FOXP1: variants seen among roughly 807,000 people sequenced by gnomAD.
FOXP1 encodes the protein forkhead box P1, also known as forkhead box protein P1.
FOXP1 carries 15 observed loss-of-function variants against 98.2 expected under a neutral mutation model. The observed-to-expected ratio is 0.15, with a 90% CI of 0.10 to 0.24. The LOEUF is 0.24. Ranked by LOEUF, FOXP1 falls within the 10% of genes least tolerant of loss-of-function variation. The pLI is 1.00. For synonymous variants in FOXP1, 371 were observed against 314.5 expected (o/e 1.18, Z -1.90); for missense variants, 633 against 848.5 (o/e 0.75, Z 3.15).
chr3:71,158,215 GAAAA>G (rs1249525425), intron 6 of FOXP1, among the ~76,000 whole-genome samples: 1 of 151,026 alleles, frequency 6.6e-6, no homozygotes, highest in Non-Finnish European at 1.5e-5. Flanking sequence ...GGGAAAGAAA[GAAAA>G]AAGAAAGACA....
intron 14 of FOXP1, among the ~76,000 whole-genome samples, chr3:70,981,441 A>C (rs1404693262): frequency 6.6e-6 from 1 of 152,188 alleles, no homozygotes; most frequent in East Asian, 1.9e-4. Context: ...ATCTCAGCTA[A>C]TTACCAGATA....
chr3:71,028,058 G>A (rs1336385658), intron 11 of FOXP1, among the ~76,000 whole-genome samples: 1 of 152,170 alleles, frequency 6.6e-6, no homozygotes, highest in Non-Finnish European at 1.5e-5. Context: ...GGAATAGAGT[G>A]AGAGCAGAGA....
intron 6 of FOXP1, among the ~76,000 whole-genome samples, chr3:71,131,888 G>A (rs981607628): frequency 6.6e-5 from 10 of 152,140 alleles, no homozygotes; most frequent in Non-Finnish European, 1.2e-4. Flanking sequence ...TAGGCTGGGG[G>A]AAAAAATGGG....
rs1559556967 is a variant in FOXP1, at chr3:70,958,635, A to G, written c.*612T>C. 9.7e-6 allele frequency: 2 copies of G among 205,518 alleles called. No homozygotes were observed. Among genetic ancestry groups the G allele is most frequent in the Non-Finnish European group, 2.0e-5 (2 of 102,454 alleles). The allele number at this position is 205,518 out of a possible 1,614,324, so 12.7% of individuals were successfully genotyped here. A position where few individuals can be genotyped will look rare whatever the true frequency, so the allele number is the denominator to read the frequency against. ...CTTAAAATGGTATAGTAGAAGGAAA[A>G]AAAAAAAAAAAAAAAGCAATACATT... On this transcript the variant is annotated 3_prime_UTR_variant, in exon 21 of 21. Coordinates refer to ENST00000649528, the MANE Select transcript of FOXP1 (RefSeq NM_001349338.3).
At chr3:71,450,344 G>C (rs776859256) in intron 3 of FOXP1, among the ~76,000 whole-genome samples, 8 of 152,166 alleles carry the variant, frequency 5.3e-5, no homozygotes, top group Non-Finnish European at 1.0e-4. Flanking sequence ...GGAATGGGAC[G>C]ACAATGAACT....
intron 2 of FOXP1, among the ~76,000 whole-genome samples, chr3:71,499,848 T>C (rs2041205909): frequency 6.6e-6 from 1 of 152,250 alleles, no homozygotes; most frequent in South Asian, 2.1e-4. Flanking sequence ...AAAAAAGGTA[T>C]GTGTTTGTCA....
At chr3:71,313,045 G>GA (rs139156959) in intron 4 of FOXP1, among the ~76,000 whole-genome samples, 58,338 of 144,844 alleles carry the variant, frequency 0.4, 14,293 homozygotes, top group East Asian at 0.89. Flanking sequence ...CAATCACAAT[G>GA]AAACTTTAAT....
At chr3:71,169,311 C>T (rs568588222) in intron 6 of FOXP1, among the ~76,000 whole-genome samples, 6 of 152,244 alleles carry the variant, frequency 3.9e-5, no homozygotes, top group South Asian at 2.1e-4. Flanking sequence ...TGCCCCCGAG[C>T]GTCTCTCTCT....
At chr3:71,217,530 T>C (rs1008405535) in intron 5 of FOXP1, among the ~76,000 whole-genome samples, 1 of 152,110 alleles carries the variant, frequency 6.6e-6, no homozygotes, top group South Asian at 2.1e-4. Flanking sequence ...GCACCTATTA[T>C]AGGTCAGGTT....
intron 11 of FOXP1, among the ~76,000 whole-genome samples, chr3:71,031,151 C>T (rs2046814245): frequency 6.6e-6 from 1 of 152,176 alleles, no homozygotes; most frequent in Admixed American, 6.5e-5. Context: ...AGTACATCTT[C>T]AAACACTCAA....
intron 5 of FOXP1, among the ~76,000 whole-genome samples, chr3:71,208,867 T>C (rs1373214940): frequency 5.9e-5 from 9 of 152,112 alleles, no homozygotes; most frequent in Admixed American, 5.9e-4. Context: ...GAAGGCAAGA[T>C]AAACAAACAG....
At chr3:71,462,612 C>T (rs752135751) in intron 3 of FOXP1, among the ~76,000 whole-genome samples, 1 of 152,102 alleles carries the variant, frequency 6.6e-6, no homozygotes, top group African/African-American at 2.4e-5. Flanking sequence ...TGTCTTCAGC[C>T]AAAACCTCCG....
In FOXP1 at chr3:71,316,923, T is replaced by C. The variant is rs187954999; in HGVS notation, c.-72-17043A>G. The stretch of plus-strand genomic sequence containing the variant: ...CGCCCACCTCAGCCTCCCAAAGTGC[T>C]GGGATTTCAAGCATGAGCCACTGCG... On this transcript the variant is annotated intron_variant, in intron 4 of 20. Transcript: ENST00000649528. 8.9e-4 allele frequency among the ~76,000 whole-genome samples: 136 copies of C among 152,240 alleles called. 2 individuals carry two copies. The highest frequency in any genetic ancestry group is 1.8e-3 in the Admixed American group (28 of 15,296).
At chr3:70,974,642 G>A (rs2037111722) in intron 17 of FOXP1, among the ~76,000 whole-genome samples, 1 of 152,176 alleles carries the variant, frequency 6.6e-6, no homozygotes, top group Non-Finnish European at 1.5e-5. Context: ...AAGGTCTACT[G>A]TTACTTACTG....
chr3:71,284,908 T>C (rs1368724212), intron 5 of FOXP1, among the ~76,000 whole-genome samples: 2 of 152,180 alleles, frequency 1.3e-5, no homozygotes, highest in Admixed American at 1.3e-4. Context: ...ATTTTTGCAT[T>C]TGTCTACTTT....
At chr3:71,067,146 C>G (rs904244378) in intron 7 of FOXP1, among the ~76,000 whole-genome samples, 1 of 152,156 alleles carries the variant, frequency 6.6e-6, no homozygotes, top group African/African-American at 2.4e-5. Context: ...GCTTGGCATA[C>G]TAACTTAGAA....
chr3:71,450,281 A>G (rs1449350535), intron 3 of FOXP1, among the ~76,000 whole-genome samples: 1 of 152,214 alleles, frequency 6.6e-6, no homozygotes, highest in Non-Finnish European at 1.5e-5. Context: ...CATGCTGGCA[A>G]TTTTTAGATG....
chr3:71,437,695 G>C (rs2085494875), intron 3 of FOXP1, among the ~76,000 whole-genome samples: 1 of 152,296 alleles, frequency 6.6e-6, no homozygotes, highest in South Asian at 2.1e-4. Context: ...AAAGGGTGGA[G>C]GAGCATGAAC....
At chr3:71,557,315 T>G (rs6549400) in intron 2 of FOXP1, among the ~76,000 whole-genome samples, 45,566 of 151,620 alleles carry the variant, frequency 0.3, 8,372 homozygotes, top group Non-Finnish European at 0.42. Flanking sequence ...ATCTCCATAT[T>G]ATCTTCCACA....
Sources: gnomAD v4.1 joint callset for allele counts (sites outside exome capture counted in the v4.1 genomes callset) on GRCh38, gnomAD v4.1.1 for gene constraint, MANE v1.5 for transcripts, NCBI Gene and HGNC (gene_info 2026-07-23, HGNC 2026-07-21) for gene names.